BACH2: variants seen among roughly 807,000 people sequenced by gnomAD.
The protein encoded by BACH2 is transcription regulator protein BACH2.
A neutral mutation model predicts 61.8 loss-of-function variants in BACH2; 5 were observed. The ratio of observed to expected loss-of-function variants is 0.08; its 90% CI spans 0.04 to 0.17. The LOEUF is 0.17. BACH2 is among the 10% of genes least tolerant of loss of function. The pLI, the probability that BACH2 is intolerant of heterozygous loss-of-function variation, is 1.00. For synonymous variants in BACH2, 446 were observed against 440.1 expected, an observed-to-expected ratio of 1.01 and a Z score of -0.17; for missense variants, 824 against 1,091.1, an observed-to-expected ratio of 0.76 and a Z score of 3.45.
At chr6:90,264,890 A>G (rs1771275057) in intron 2 of BACH2, among the ~76,000 whole-genome samples, 1 of 152,252 alleles carries the variant, frequency 6.6e-6, no homozygotes, top group Non-Finnish European at 1.5e-5. Context: ...TGAATTTACC[A>G]AATAAACAAC....
At chr6:90,108,660 G>T (rs2127815067) in intron 4 of BACH2, among the ~76,000 whole-genome samples, 1 of 152,360 alleles carries the variant, frequency 6.6e-6, no homozygotes. Flanking sequence ...GCTTACTGCA[G>T]CCCAGAGGAA....
At chr6:90,162,221 A>G (rs1785217379) in intron 4 of BACH2, among the ~76,000 whole-genome samples, 1 of 152,262 alleles carries the variant, frequency 6.6e-6, no homozygotes, top group Non-Finnish European at 1.5e-5. Context: ...GAATAAGTCA[A>G]TGAGCATAGG....
At chr6:90,226,697 AT>A (rs573637485) in intron 3 of BACH2, among the ~76,000 whole-genome samples, 215 of 147,462 alleles carry the variant, frequency 1.5e-3, no homozygotes, top group Middle Eastern at 0.011. Context: ...AGTCCTTAGA[AT>A]TTTTTTTTTT....
chr6:90,279,357 T>C (rs1265178986), intron 1 of BACH2, among the ~76,000 whole-genome samples: 2 of 151,892 alleles, frequency 1.3e-5, no homozygotes, highest in Non-Finnish European at 2.9e-5. Context: ...ACCCCGTCTC[T>C]ACTAAAAATA....
At chr6:90,015,561 A>G (rs1175871401) in intron 5 of BACH2, among the ~76,000 whole-genome samples, 1 of 152,126 alleles carries the variant, frequency 6.6e-6, no homozygotes, top group Non-Finnish European at 1.5e-5. Flanking sequence ...TGGCTTCCAA[A>G]TATTTGGGGG....
intron 6 of BACH2, among the ~76,000 whole-genome samples, chr6:89,972,448 T>A (rs1775420778): frequency 6.6e-6 from 1 of 152,092 alleles, no homozygotes; most frequent in South Asian, 2.1e-4. Flanking sequence ...AAAAAAAGCA[T>A]CATGTTGCTT....
intron 5 of BACH2, among the ~76,000 whole-genome samples, chr6:90,070,497 C>A (rs577856901): frequency 6.6e-6 from 1 of 152,106 alleles, no homozygotes; most frequent in Non-Finnish European, 1.5e-5. Context: ...CACAGCATGG[C>A]GGTTGGGGTT....
chr6:89,952,287 C>T (rs955741056), intron 6 of BACH2, among the ~76,000 whole-genome samples: 10 of 152,142 alleles, frequency 6.6e-5, no homozygotes, highest in Admixed American at 5.2e-4. Context: ...AGAGCCTTAA[C>T]GTTTTCTTGT....
At chr6:90,023,005 T>C (rs1258770482) in intron 5 of BACH2, among the ~76,000 whole-genome samples, 1 of 152,184 alleles carries the variant, frequency 6.6e-6, no homozygotes, top group African/African-American at 2.4e-5. Context: ...CACTGAGATA[T>C]ATTTATATAT....
At chr6:90,033,712 G>A (rs754921077) in intron 5 of BACH2, among the ~76,000 whole-genome samples, 6 of 151,852 alleles carry the variant, frequency 4.0e-5, no homozygotes, top group East Asian at 1.9e-4. Context: ...AAAAAAAAAC[G>A]TAAGTTTCTA....
chr6:90,206,439 G>C (rs996587711), intron 4 of BACH2, 130 bp downstream of exon 4: 1 of 152,358 alleles, frequency 6.6e-6, no homozygotes, highest in Non-Finnish European at 1.5e-5. Flanking sequence ...GGGATCACAC[G>C]ACTCTCCAAC....
At chr6:90,015,669 A>T (rs1020065038) in intron 5 of BACH2, among the ~76,000 whole-genome samples, 1 of 152,056 alleles carries the variant, frequency 6.6e-6, no homozygotes, top group Non-Finnish European at 1.5e-5. Context: ...ATTTATGGAG[A>T]CTTGTTTTGG....
intron 5 of BACH2, among the ~76,000 whole-genome samples, chr6:90,039,263 T>C (rs1456667549): frequency 6.6e-6 from 1 of 152,232 alleles, no homozygotes; most frequent in Middle Eastern, 3.2e-3. Context: ...TTTGTACACA[T>C]ATCCATACAT....
intron 2 of BACH2, among the ~76,000 whole-genome samples, chr6:90,258,430 T>C (rs1476902625): frequency 6.6e-6 from 1 of 152,202 alleles, no homozygotes; most frequent in Non-Finnish European, 1.5e-5. Flanking sequence ...ATGTGTCTGT[T>C]TTTATGCCTG....
chr6:89,966,932 C>T (rs1775077417), intron 6 of BACH2, among the ~76,000 whole-genome samples: 1 of 152,194 alleles, frequency 6.6e-6, no homozygotes, highest in South Asian at 2.1e-4. Flanking sequence ...AACTTCTGGG[C>T]TCAAGCAATC....
At chr6:90,149,193 G>GT (rs140884583) in intron 4 of BACH2, among the ~76,000 whole-genome samples, 5,524 of 152,258 alleles carry the variant, frequency 0.036, 148 homozygotes, top group Middle Eastern at 0.075. Context: ...AAATAAGAAC[G>GT]TAAGAAAATT....
At chr6:90,090,225 T>G (rs1582341587) in intron 4 of BACH2, among the ~76,000 whole-genome samples, 1 of 152,204 alleles carries the variant, frequency 6.6e-6, no homozygotes, top group South Asian at 2.1e-4. Context: ...ATACATCTTA[T>G]GTATTTATTT....
At position 90,216,607 on chromosome 6, in the gene BACH2, CA is replaced by C. The variant is rs755327050; in HGVS notation, c.-274-9927del. On this transcript the variant is annotated intron_variant, in intron 3 of 8. Coordinates refer to ENST00000257749, the MANE Select transcript of BACH2 (RefSeq NM_021813.4). ...TCAAAAGTACTCTTGCCTGCACCTTCAAAAACTTTACTTAACTTGGAATTCC... is the reference window on the plus strand; with the variant it reads ...TCAAAAGTACTCTTGCCTGCACCTTCAAAACTTTACTTAACTTGGAATTCC... Among the ~76,000 whole-genome samples, 43 of 152,226 alleles carry C rather than the reference CA, an allele frequency of 2.8e-4. 1 individual carries two copies. The highest frequency in any genetic ancestry group is 2.4e-3 in the Admixed American group (37 of 15,286).
chr6:90,222,256 T>C (rs1769760020), intron 3 of BACH2, among the ~76,000 whole-genome samples: 1 of 152,176 alleles, frequency 6.6e-6, no homozygotes, highest in Non-Finnish European at 1.5e-5. Flanking sequence ...TTGCAGGCAG[T>C]GCAGACCAAA....
Sources: gnomAD v4.1 joint callset for allele counts (sites outside exome capture counted in the v4.1 genomes callset) on GRCh38, gnomAD v4.1.1 for gene constraint, MANE v1.5 for transcripts, NCBI Gene and HGNC (gene_info 2026-07-23, HGNC 2026-07-21) for gene names.